VPS13B: variants seen among roughly 807,000 people sequenced by gnomAD.
VPS13B encodes the protein vacuolar protein sorting 13 homolog B.
In VPS13B, 285 loss-of-function variants were observed where a neutral mutation model predicts 426.4. The observed-to-expected ratio is 0.67, with a 90% CI of 0.61 to 0.74. VPS13B has a LOEUF of 0.74. VPS13B is among the 30% of genes least tolerant of loss of function. The probability of loss-of-function intolerance (pLI) is 0.00; values close to 1 mark genes in which losing one functional copy is unlikely to be tolerated. For missense variants in VPS13B, 4,537 were observed against 4,782.6 expected (o/e 0.95, Z 1.51); for synonymous variants, 1,676 against 1,676.4 (o/e 1.00, Z 0.01).
intron 55 of VPS13B, among the ~76,000 whole-genome samples, chr8:99,852,003 G>A (rs1218351502): frequency 1.3e-5 from 2 of 152,142 alleles, no homozygotes; most frequent in African/African-American, 2.4e-5. Context: ...GACTACAGTG[G>A]TGTCAGTGGA....
intron 44 of VPS13B, among the ~76,000 whole-genome samples, chr8:99,811,393 T>C (rs1813691892): frequency 6.6e-6 from 1 of 152,196 alleles, no homozygotes; most frequent in Non-Finnish European, 1.5e-5. Context: ...CTTGGTTTTC[T>C]TCTCTCTAGG....
intron 19 of VPS13B, among the ~76,000 whole-genome samples, chr8:99,314,283 G>T (rs1393950856): frequency 6.6e-6 from 1 of 152,040 alleles, no homozygotes; most frequent in Non-Finnish European, 1.5e-5. Context: ...GTAGACTGGA[G>T]CTGTTCCTAT....
intron 23 of VPS13B, among the ~76,000 whole-genome samples, chr8:99,450,093 G>T (rs754374987): frequency 6.6e-6 from 1 of 152,078 alleles, no homozygotes. Context: ...ATAAGCCAAC[G>T]TGCCCAGCAA....
chr8:99,494,333 G>A (rs1224892400), intron 25 of VPS13B, among the ~76,000 whole-genome samples: 1 of 151,956 alleles, frequency 6.6e-6, no homozygotes, highest in East Asian at 1.9e-4. Flanking sequence ...TCCAATGTAT[G>A]AACACTGGAT....
chr8:99,170,088 A>G lies in VPS13B; in HGVS notation c.2258A>G (p.Tyr753Cys). 2 of 1,612,964 alleles carry G rather than the reference A, an allele frequency of 1.2e-6. No homozygotes were observed. The highest frequency in any genetic ancestry group is 8.5e-7 in the Non-Finnish European group (1 of 1,179,098). The change falls in exon 16 of 62, where the codon TAC becomes TGC. Residue 753 changes from tyrosine to cysteine, a missense_variant. Physicochemically the swap from Tyr to Cys is radical, Grantham distance 194. Transcript: ENST00000357162. ...ACGTCTTTGGATTGCAGTGGATCTTACTGCTTACCTGTACCAGTTATTCCC... is the reference window on the plus strand; with the variant it reads ...ACGTCTTTGGATTGCAGTGGATCTTGCTGCTTACCTGTACCAGTTATTCCC... ...GLTSLDCSGS[Y>C]CLPVPVIPSF...
At chr8:99,573,962 C>A (rs1034905430) in intron 31 of VPS13B, among the ~76,000 whole-genome samples, 2 of 152,070 alleles carry the variant, frequency 1.3e-5, no homozygotes, top group Admixed American at 6.6e-5. Flanking sequence ...TGTTTATATC[C>A]TCTTTTCTTT....
Position 99,609,751 on chromosome 8 carries a change from G to A in VPS13B, c.5221-32060G>A, listed in dbSNP as rs533855937. On this transcript the variant is annotated intron_variant, in intron 33 of 61. Coordinates refer to ENST00000357162, the MANE Select transcript of VPS13B (RefSeq NM_152564.5). ...TGAATAATTTTTGCTGTTTCATTAA[G>A]AACATCCTTAAATGAAACTTACTTA... Among the ~76,000 whole-genome samples, 3 of 152,288 alleles carry A rather than the reference G, an allele frequency of 2.0e-5. No individual in the cohort carries two copies. In the South Asian group the frequency reaches 6.2e-4, roughly 32 times the overall value.
chr8:99,562,559 G>A (rs1363600216), intron 31 of VPS13B, among the ~76,000 whole-genome samples: 1 of 152,174 alleles, frequency 6.6e-6, no homozygotes, highest in Non-Finnish European at 1.5e-5. Flanking sequence ...GGGATTACCA[G>A]TGTGAGCCAC....
intron 16 of VPS13B, among the ~76,000 whole-genome samples, chr8:99,180,643 A>G (rs920466710): frequency 1.3e-5 from 2 of 152,142 alleles, no homozygotes; most frequent in Non-Finnish European, 2.9e-5. Context: ...CCATACAAAG[A>G]TTTTGGGAAA....
chr8:99,706,555 A>G (rs1161880519), intron 36 of VPS13B, among the ~76,000 whole-genome samples: 1 of 152,082 alleles, frequency 6.6e-6, no homozygotes, highest in Non-Finnish European at 1.5e-5. Context: ...ATGTAAATCC[A>G]CCTTCAGATC....
chr8:99,323,993 A>G (rs184050024), intron 19 of VPS13B, among the ~76,000 whole-genome samples: 19 of 152,298 alleles, frequency 1.2e-4, no homozygotes, highest in African/African-American at 4.1e-4. Context: ...TGGAATGTTA[A>G]TGGGGTGAAG....
At chr8:99,459,365 AT>A (rs1216868608) in intron 23 of VPS13B, among the ~76,000 whole-genome samples, 1 of 152,192 alleles carries the variant, frequency 6.6e-6, no homozygotes, top group Non-Finnish European at 1.5e-5. Flanking sequence ...CTATTTTAGC[AT>A]TTAAATTCTG....
chr8:99,417,403 A>G (rs1341496819), intron 21 of VPS13B, among the ~76,000 whole-genome samples: 1 of 152,200 alleles, frequency 6.6e-6, no homozygotes, highest in African/African-American at 2.4e-5. Context: ...AGTTCTGAGT[A>G]TAAAATATTG....
intron 19 of VPS13B, among the ~76,000 whole-genome samples, chr8:99,300,656 T>G (rs1820309635): frequency 6.6e-6 from 1 of 152,182 alleles, no homozygotes. Context: ...TGATGAATCA[T>G]CCTGCATTCT....
chr8:99,495,757 G>C, intron 25 of VPS13B, among the ~76,000 whole-genome samples: 1 of 152,026 alleles, frequency 6.6e-6, no homozygotes, highest in East Asian at 1.9e-4. Context: ...TAACTTTGTT[G>C]CCCTACTTAG....
At chr8:99,665,606 T>G (rs1830454507) in intron 35 of VPS13B, among the ~76,000 whole-genome samples, 1 of 152,166 alleles carries the variant, frequency 6.6e-6, no homozygotes, top group Non-Finnish European at 1.5e-5. Flanking sequence ...TTTTGTCAGG[T>G]TTTTCAAAGA....
chr8:99,817,749 G>T lies in VPS13B; in HGVS notation c.8307G>T (p.Trp2769Cys). The T allele has an allele frequency of 6.2e-7, 1 of 1,614,098 alleles. No individual in the cohort carries two copies. The highest frequency in any genetic ancestry group is 8.5e-7 in the Non-Finnish European group (1 of 1,180,000). ...LCVKAKGDED[W>C]SRDVCLESKA... ...TGAAGGCCAAAGGAGATGAAGACTG[G>T]TCAAGAGATGTGTGCCTGGAATCCA... The change falls in exon 45 of 62, where the codon TGG becomes TGT. Residue 2769 changes from tryptophan (W) to cysteine (C), a missense_variant. Coordinates refer to ENST00000357162, the MANE Select transcript of VPS13B (RefSeq NM_152564.5).
chr8:99,610,790 A>G (rs886132640), intron 33 of VPS13B, among the ~76,000 whole-genome samples: 3 of 152,192 alleles, frequency 2.0e-5, no homozygotes, highest in African/African-American at 7.2e-5. Flanking sequence ...TATTAAAATG[A>G]GGAAACATTG....
chr8:99,321,236 A>C (rs1339035232), intron 19 of VPS13B, among the ~76,000 whole-genome samples: 1 of 128,562 alleles, frequency 7.8e-6, no homozygotes, highest in African/African-American at 3.0e-5. Flanking sequence ...TTTGAGACAG[A>C]GTCTTGCTCT....
Sources: gnomAD v4.1 joint callset for allele counts (sites outside exome capture counted in the v4.1 genomes callset) on GRCh38, gnomAD v4.1.1 for gene constraint, MANE v1.5 for transcripts, NCBI Gene and HGNC (gene_info 2026-07-23, HGNC 2026-07-21) for gene names.